CACNA2D1: variants seen among roughly 807,000 people sequenced by gnomAD.
CACNA2D1 encodes calcium voltage-gated channel auxiliary subunit alpha2delta 1.
Under a neutral mutation model 171.5 loss-of-function variants are expected in CACNA2D1, and 53 were observed. The observed-to-expected ratio is 0.31, with a 90% confidence interval of 0.25 to 0.39. CACNA2D1 has a LOEUF of 0.39. Ranked by LOEUF, CACNA2D1 falls within the 10% of genes least tolerant of loss-of-function variation. The pLI is 1.00. For synonymous variants in CACNA2D1, 442 were observed against 443.1 expected, an observed-to-expected ratio of 1.00 and a Z score of 0.03; for missense variants, 903 against 1,299.8, an observed-to-expected ratio of 0.69 and a Z score of 4.69.
At chr7:82,136,192 T>C (rs1442250848) in intron 5 of CACNA2D1, among the ~76,000 whole-genome samples, 1 of 152,182 alleles carries the variant, frequency 6.6e-6, no homozygotes, top group East Asian at 1.9e-4. Context: ...GGGCAGGTTG[T>C]TGCACAGCTT....
intron 4 of CACNA2D1, among the ~76,000 whole-genome samples, chr7:82,146,565 TAC>T (rs1482148258): frequency 6.7e-6 from 1 of 149,278 alleles, no homozygotes; most frequent in Non-Finnish European, 1.5e-5. Flanking sequence ...ATTAAGCTAC[TAC>T]AGTTTGAGTA....
chr7:81,977,884 T>G (rs543442057), intron 24 of CACNA2D1, among the ~76,000 whole-genome samples: 2 of 151,996 alleles, frequency 1.3e-5, no homozygotes, highest in East Asian at 3.9e-4. Flanking sequence ...GAACTTAAAT[T>G]TCCAAGAAAA....
chr7:82,131,989 A>C (rs1410841545), intron 5 of CACNA2D1, among the ~76,000 whole-genome samples: 1 of 152,192 alleles, frequency 6.6e-6, no homozygotes, highest in Non-Finnish European at 1.5e-5. Flanking sequence ...GATAAGTAAC[A>C]ATCTTTTTTT....
At chr7:82,323,800 A>G (rs1380600030) in intron 3 of CACNA2D1, among the ~76,000 whole-genome samples, 1 of 152,182 alleles carries the variant, frequency 6.6e-6, no homozygotes, top group Non-Finnish European at 1.5e-5. Context: ...CTGATCCTAA[A>G]GCCAACTCAA....
intron 5 of CACNA2D1, among the ~76,000 whole-genome samples, chr7:82,124,515 C>G (rs1470293153): frequency 6.6e-6 from 1 of 152,134 alleles, no homozygotes; most frequent in Non-Finnish European, 1.5e-5. Context: ...ACTTCACTTT[C>G]AGCCTCTGAT....
chr7:82,028,142 A>T (rs150521198), intron 12 of CACNA2D1: 24 of 151,816 alleles, frequency 1.6e-4, no homozygotes, highest in African/African-American at 5.8e-4. Context: ...TCTTCTTAGT[A>T]GCTAATGCAC....
At position 82,210,367 on chromosome 7, in the gene CACNA2D1, C is replaced by T. The variant is rs1333810195; in HGVS notation, c.295-39758G>A. Among the ~76,000 whole-genome samples, 5 of 152,246 alleles carry T rather than the reference C, an allele frequency of 3.3e-5. No individual in the cohort carries two copies. In the South Asian group the frequency reaches 6.2e-4, roughly 19 times the overall value. On this transcript the variant is annotated intron_variant, in intron 3 of 38. Transcript: ENST00000356860. ...GAAGGAATAAACATCTCTGGAAAAA[C>T]GGTAACAATATTGACTCTTCAGGTC...
At chr7:82,259,150 A>G (rs1339812119) in intron 3 of CACNA2D1, among the ~76,000 whole-genome samples, 1 of 152,158 alleles carries the variant, frequency 6.6e-6, no homozygotes, top group Non-Finnish European at 1.5e-5. Context: ...TTCTTAAAAA[A>G]TAAAGTCTTA....
chr7:81,970,626 C>A, intron 27 of CACNA2D1, 49 bp downstream of exon 27: 1 of 968,480 alleles, frequency 1.0e-6, no homozygotes, highest in Non-Finnish European at 1.7e-6. Flanking sequence ...AAATCCTTGG[C>A]GCAGTCTTTT....
At chr7:82,153,622 A>G (rs1259541410) in intron 4 of CACNA2D1, among the ~76,000 whole-genome samples, 1 of 152,098 alleles carries the variant, frequency 6.6e-6, no homozygotes, top group Non-Finnish European at 1.5e-5. Context: ...AATCATCATG[A>G]CTACGAATTC....
At chr7:82,032,462 A>G (rs1802823869) in intron 12 of CACNA2D1, among the ~76,000 whole-genome samples, 1 of 151,564 alleles carries the variant, frequency 6.6e-6, no homozygotes, top group African/African-American at 2.4e-5. Flanking sequence ...TATCCAATAA[A>G]CCTTAAAGTT....
At chr7:82,423,549 G>A (rs955018874) in intron 1 of CACNA2D1, among the ~76,000 whole-genome samples, 1 of 152,150 alleles carries the variant, frequency 6.6e-6, no homozygotes, top group African/African-American at 2.4e-5. Flanking sequence ...ATTTGCTTAT[G>A]AGCAACAAAA....
At chr7:82,222,862 G>T (rs887350709) in intron 3 of CACNA2D1, among the ~76,000 whole-genome samples, 6 of 149,558 alleles carry the variant, frequency 4.0e-5, no homozygotes, top group African/African-American at 1.5e-4. Flanking sequence ...TTTTTTTCCA[G>T]AATATTATAT....
intron 3 of CACNA2D1, among the ~76,000 whole-genome samples, chr7:82,293,233 T>G (rs1585371169): frequency 1.3e-5 from 2 of 152,204 alleles, no homozygotes; most frequent in East Asian, 3.9e-4. Flanking sequence ...ATATCATTTT[T>G]TGAAGTTTTC....
At chr7:81,978,334 C>T (rs1210054315) in intron 24 of CACNA2D1, among the ~76,000 whole-genome samples, 1 of 152,098 alleles carries the variant, frequency 6.6e-6, no homozygotes, top group Admixed American at 6.5e-5. Context: ...GGAACCAACC[C>T]AAATGCTGAT....
chr7:81,953,814 C>T (rs1792888731), intron 38 of CACNA2D1, among the ~76,000 whole-genome samples: 1 of 152,122 alleles, frequency 6.6e-6, no homozygotes, highest in Non-Finnish European at 1.5e-5. Context: ...ATTTTGTCAT[C>T]TTTATACTCT....
At chr7:82,109,860 G>A (rs62465772) in intron 6 of CACNA2D1, among the ~76,000 whole-genome samples, 22,273 of 152,126 alleles carry the variant, frequency 0.15, 1,657 homozygotes, top group South Asian at 0.19. Flanking sequence ...TTGTAAAGAA[G>A]TTGAATATGT....
intron 3 of CACNA2D1, among the ~76,000 whole-genome samples, chr7:82,238,111 CTT>C (rs1803828514): frequency 6.6e-6 from 1 of 151,934 alleles, no homozygotes; most frequent in South Asian, 2.1e-4. Context: ...GGTCCTGAAA[CTT>C]TGTCACACAG....
At chr7:82,095,359 G>A (rs370620169) in intron 6 of CACNA2D1, among the ~76,000 whole-genome samples, 6 of 151,794 alleles carry the variant, frequency 4.0e-5, no homozygotes, top group South Asian at 2.1e-4. Flanking sequence ...TACTTCCTAC[G>A]TTTCACTATC....
Sources: allele counts gnomAD v4.1 joint callset (sites outside exome capture counted in the v4.1 genomes callset), GRCh38; gene constraint gnomAD v4.1.1; transcripts MANE v1.5; gene names NCBI Gene and HGNC (gene_info 2026-07-23, HGNC 2026-07-21).